Variants in GALNT1 observed in about 807,000 individuals in gnomAD.
GALNT1 encodes GalNAc transferase 1.
A neutral mutation model predicts 65.7 loss-of-function variants in GALNT1; 17 were observed. The ratio of observed to expected loss-of-function variants is 0.26; its 90% CI spans 0.18 to 0.39. GALNT1 has a LOEUF of 0.39. Ranked by LOEUF, GALNT1 falls within the 10% of genes least tolerant of loss-of-function variation. GALNT1 has a pLI of 1.00. For missense variants in GALNT1, 460 were observed against 672.8 expected, an observed-to-expected ratio of 0.68 and a Z score of 3.50; for synonymous variants, 210 against 219.7, an observed-to-expected ratio of 0.96 and a Z score of 0.39.
chr18:35,586,709 G>T (rs1237028017), intron 1 of GALNT1, among the ~76,000 whole-genome samples: 1 of 152,164 alleles, frequency 6.6e-6, no homozygotes, highest in African/African-American at 2.4e-5. Flanking sequence ...AATTGCCTTT[G>T]TATCTTTGTA....
At chr18:35,699,196 C>G (rs1228060562) in intron 9 of GALNT1, among the ~76,000 whole-genome samples, 1 of 151,788 alleles carries the variant, frequency 6.6e-6, no homozygotes, top group Non-Finnish European at 1.5e-5. Flanking sequence ...TTGGAATTAT[C>G]ATAACATAAT....
chr18:35,667,472 T>C (rs2047566078), intron 3 of GALNT1, among the ~76,000 whole-genome samples: 1 of 152,160 alleles, frequency 6.6e-6, no homozygotes, highest in African/African-American at 2.4e-5. Context: ...AAAATAAAAA[T>C]GATTATACCA....
At chr18:35,653,672 A>G (rs977199509) in intron 1 of GALNT1, among the ~76,000 whole-genome samples, 1 of 152,204 alleles carries the variant, frequency 6.6e-6, no homozygotes. Context: ...CTGCTTCATC[A>G]TGCTCCAAGA....
At chr18:35,664,710 G>T (rs1022521336) in intron 3 of GALNT1, among the ~76,000 whole-genome samples, 1 of 152,160 alleles carries the variant, frequency 6.6e-6, no homozygotes, top group African/African-American at 2.4e-5. Context: ...GGTAATACAA[G>T]GTACTAGAGT....
In GALNT1 at chr18:35,689,162, T is replaced by C. The variant is rs374154148; in HGVS notation, c.861-11T>C. The C allele has an allele frequency of 4.2e-5, 64 of 1,536,420 alleles. No homozygotes were observed. Among genetic ancestry groups the C allele is most frequent in the Non-Finnish European group, 5.5e-5 (61 of 1,110,766 alleles). The stretch of plus-strand genomic sequence containing the variant: ...TTAAATTGCTAATGGTATAGCATTA[T>C]TGAATTTCAGGACACCTACCATGGC... On this transcript the variant is annotated splice_polypyrimidine_tract_variant and intron_variant, in intron 6 of 11. Coordinates refer to ENST00000269195, the MANE Select transcript of GALNT1 (RefSeq NM_020474.4).
Position 35,663,878 on chromosome 18 carries a change from G to T in GALNT1, c.314+76G>T, listed in dbSNP as rs947467037. On this transcript the variant is annotated intron_variant, in intron 3 of 11. Coordinates refer to ENST00000269195, the MANE Select transcript of GALNT1 (RefSeq NM_020474.4). Reference sequence around the variant, plus strand: ...AATTTTCAGTAAATTGCACTTGAGTGCTGATTGTTCTTAAGGCAAATGTTA... The same window carrying T: ...AATTTTCAGTAAATTGCACTTGAGTTCTGATTGTTCTTAAGGCAAATGTTA... The T allele has an allele frequency of 2.3e-4, 325 of 1,399,906 alleles. 1 individual carries two copies. In the Middle Eastern group the frequency reaches 3.5e-3, roughly 15 times the overall value. 86.7% of individuals were successfully genotyped at this position (1,399,906 alleles called of 1,614,324 possible).
chr18:35,656,110 C>G (rs1416100486), intron 2 of GALNT1, among the ~76,000 whole-genome samples: 1 of 152,178 alleles, frequency 6.6e-6, no homozygotes, highest in Non-Finnish European at 1.5e-5. Flanking sequence ...ATTCATCAGT[C>G]AGAAACTTGA....
At position 35,710,420 on chromosome 18, in the gene GALNT1, A is replaced by T. The variant is rs2048334807; in HGVS notation, c.*650A>T. On this transcript the variant is annotated 3_prime_UTR_variant, in exon 12 of 12. Transcript: ENST00000269195. ...TTCCAATGACATTCATTTTGTTTTCATCTGTGATAGTCATGGATGCTTTTA... is the reference window on the plus strand; with the variant it reads ...TTCCAATGACATTCATTTTGTTTTCTTCTGTGATAGTCATGGATGCTTTTA... 1 of 152,520 alleles carries T rather than the reference A, an allele frequency of 6.6e-6. No individual in the cohort carries two copies. Among genetic ancestry groups the T allele is most frequent in the Admixed American group, 6.5e-5 (1 of 15,274 alleles). 9.4% of individuals were successfully genotyped at this position (152,520 alleles called of 1,614,324 possible). A position where few individuals can be genotyped will look rare whatever the true frequency, so the allele number is the denominator to read the frequency against.
At chr18:35,671,580 C>A (rs1023773901) in intron 3 of GALNT1, among the ~76,000 whole-genome samples, 1 of 152,140 alleles carries the variant, frequency 6.6e-6, no homozygotes, top group African/African-American at 2.4e-5. Flanking sequence ...CCACTTTTGA[C>A]CTACGAAAAT....
At chr18:35,646,973 C>T (rs770765397) in intron 1 of GALNT1, among the ~76,000 whole-genome samples, 1 of 152,234 alleles carries the variant, frequency 6.6e-6, no homozygotes, top group Non-Finnish European at 1.5e-5. Context: ...TCCCCATTTC[C>T]ATGATTGACA....
chr18:35,643,819 C>G (rs1218249055), intron 1 of GALNT1, among the ~76,000 whole-genome samples: 5 of 150,046 alleles, frequency 3.3e-5, no homozygotes, highest in South Asian at 2.1e-4. Context: ...GAAAAAAAAA[C>G]ACATATCTAC....
chr18:35,641,847 CAG>C (rs1194145650), intron 1 of GALNT1, among the ~76,000 whole-genome samples: 2 of 152,178 alleles, frequency 1.3e-5, no homozygotes, highest in Admixed American at 6.5e-5. Flanking sequence ...TACTTTAGAT[CAG>C]GGGTCGGTGT....
chr18:35,692,538 G>C (rs182096731), intron 9 of GALNT1, among the ~76,000 whole-genome samples: 2 of 151,374 alleles, frequency 1.3e-5, no homozygotes, highest in Non-Finnish European at 2.9e-5. Flanking sequence ...GAGTTGATGC[G>C]CCTGGAGATA....
chr18:35,603,309 G>T (rs578184193), intron 1 of GALNT1, among the ~76,000 whole-genome samples: 68 of 152,194 alleles, frequency 4.5e-4, no homozygotes, highest in African/African-American at 1.5e-3. Flanking sequence ...TTGTGGGAGG[G>T]GTATTGTGGA....
intron 2 of GALNT1, among the ~76,000 whole-genome samples, chr18:35,655,785 A>C (rs530597756): frequency 7.9e-5 from 12 of 152,158 alleles, no homozygotes; most frequent in Non-Finnish European, 1.6e-4. Flanking sequence ...AACTGTACCA[A>C]CTTAACTTTA....
At chr18:35,709,377 G>A (rs1251617778) in intron 11 of GALNT1, among the ~76,000 whole-genome samples, 1 of 151,646 alleles carries the variant, frequency 6.6e-6, no homozygotes, top group East Asian at 1.9e-4. Context: ...GTACCCTACT[G>A]GACCCCAGTG....
intron 1 of GALNT1, among the ~76,000 whole-genome samples, chr18:35,650,984 T>C (rs879757023): frequency 2.6e-5 from 4 of 152,202 alleles, no homozygotes; most frequent in Non-Finnish European, 5.9e-5. Context: ...CACAATTTGT[T>C]CAGAGATTGC....
At chr18:35,616,190 A>C (rs1210057183) in intron 1 of GALNT1, among the ~76,000 whole-genome samples, 8 of 152,348 alleles carry the variant, frequency 5.3e-5, no homozygotes, top group East Asian at 1.9e-4. Context: ...TAAATTGCAG[A>C]GGTAGACAAG....
chr18:35,687,462 G>A (rs77817430), intron 6 of GALNT1, among the ~76,000 whole-genome samples: 3 of 152,126 alleles, frequency 2.0e-5, no homozygotes, highest in East Asian at 3.9e-4. Flanking sequence ...TTGCAAATGC[G>A]TCAGATCTGT....
Sources: gnomAD v4.1 joint callset for allele counts (sites outside exome capture counted in the v4.1 genomes callset) on GRCh38, gnomAD v4.1.1 for gene constraint, MANE v1.5 for transcripts, NCBI Gene and HGNC (gene_info 2026-07-23, HGNC 2026-07-21) for gene names.